Variants in TAFA5 observed in about 807,000 individuals in gnomAD.
TAFA5 encodes chemokine-like protein TAFA-5.
A neutral mutation model predicts 15.3 loss-of-function variants in TAFA5; 6 were observed. The ratio of observed to expected loss-of-function variants is 0.39; its 90% CI spans 0.21 to 0.77. The LOEUF is 0.77. Ranked by LOEUF, TAFA5 falls within the 30% of genes least tolerant of loss-of-function variation. The pLI, the probability that TAFA5 is intolerant of heterozygous loss-of-function variation, is 0.41. For missense variants in TAFA5, 161 were observed against 193.1 expected, an observed-to-expected ratio of 0.83 and a Z score of 0.98; for synonymous variants, 103 against 80.7, an observed-to-expected ratio of 1.28 and a Z score of -1.48.
chr22:48,655,249 A>G (rs1326297136), intron 2 of TAFA5, among the ~76,000 whole-genome samples: 1 of 152,234 alleles, frequency 6.6e-6, no homozygotes, highest in Non-Finnish European at 1.5e-5. Context: ...AGTGGACAGC[A>G]GCCCTCACTC....
At chr22:48,722,282 T>C (rs978846873) in intron 3 of TAFA5, among the ~76,000 whole-genome samples, 2 of 152,190 alleles carry the variant, frequency 1.3e-5, no homozygotes, top group Admixed American at 1.3e-4. Flanking sequence ...CCGTTCACGA[T>C]AGCAAAGACT....
chr22:48,621,273 A>G (rs573768814), intron 1 of TAFA5, among the ~76,000 whole-genome samples: 49 of 134,924 alleles, frequency 3.6e-4, no homozygotes, highest in Middle Eastern at 4.1e-3. Context: ...CTATCCACCC[A>G]CTCACCAGCC....
chr22:48,588,481 C>A (rs921272405), intron 1 of TAFA5, among the ~76,000 whole-genome samples: 11 of 152,172 alleles, frequency 7.2e-5, no homozygotes, highest in African/African-American at 2.4e-4. Context: ...AGGGGTCCTG[C>A]AGAGGGTCCC....
intron 1 of TAFA5, among the ~76,000 whole-genome samples, chr22:48,635,259 G>C (rs1387509329): frequency 6.6e-6 from 1 of 152,216 alleles, no homozygotes; most frequent in Non-Finnish European, 1.5e-5. Context: ...GGGCAGCACA[G>C]TGGGCAGGCG....
At chr22:48,706,781 T>C (rs1929091119) in intron 2 of TAFA5, among the ~76,000 whole-genome samples, 1 of 152,220 alleles carries the variant, frequency 6.6e-6, no homozygotes. Flanking sequence ...ACATATTTTT[T>C]CCCAGTTTGA....
intron 2 of TAFA5, among the ~76,000 whole-genome samples, chr22:48,679,280 T>C (rs111166642): frequency 0.13 from 1,335 of 10,226 alleles, 190 homozygotes; most frequent in Admixed American, 0.32. Context: ...CCATCCCTCT[T>C]CCGGCTCCCC....
chr22:48,630,260 G>A (rs556607848), intron 1 of TAFA5, among the ~76,000 whole-genome samples: 7 of 152,272 alleles, frequency 4.6e-5, no homozygotes, highest in Non-Finnish European at 7.4e-5. Flanking sequence ...AGGCGAGCTC[G>A]CTGAATGACG....
At chr22:48,662,234 G>A (rs2147215079) in intron 2 of TAFA5, among the ~76,000 whole-genome samples, 1 of 152,246 alleles carries the variant, frequency 6.6e-6, no homozygotes, top group East Asian at 1.9e-4. Context: ...ACAAGGCTTG[G>A]AGGTTGGCAT....
At chr22:48,677,455 T>A (rs1460882220) in intron 2 of TAFA5, among the ~76,000 whole-genome samples, 3 of 152,186 alleles carry the variant, frequency 2.0e-5, no homozygotes, top group Non-Finnish European at 4.4e-5. Flanking sequence ...GACCTTCCCG[T>A]GTTCTTGAGG....
At chr22:48,608,757 C>T (rs1401357266) in intron 1 of TAFA5, among the ~76,000 whole-genome samples, 1 of 152,164 alleles carries the variant, frequency 6.6e-6, no homozygotes, top group African/African-American at 2.4e-5. Flanking sequence ...GAGGGGCTCC[C>T]GAAGCCCGCT....
At chr22:48,669,027 A>T (rs1055088137) in intron 2 of TAFA5, among the ~76,000 whole-genome samples, 2 of 152,130 alleles carry the variant, frequency 1.3e-5, no homozygotes, top group Non-Finnish European at 2.9e-5. Flanking sequence ...GTGAGAGGGG[A>T]GCCCTCAGGA....
intron 1 of TAFA5, among the ~76,000 whole-genome samples, chr22:48,622,841 T>A (rs1216182402): frequency 1.3e-5 from 2 of 152,118 alleles, no homozygotes; most frequent in East Asian, 3.9e-4. Context: ...TGTTGACAGG[T>A]GTGAACAGGT....
In TAFA5 at chr22:48,607,705, A is replaced by G. The variant is rs1481770391; in HGVS notation, c.113-38892A>G. The stretch of plus-strand genomic sequence containing the variant: ...GGCCCACCCATCCCTGTTGCCTGGG[A>G]GATTCTGAGTCAAGTGCAAAATGGG... On this transcript the variant is annotated intron_variant, in intron 1 of 3. Coordinates refer to ENST00000402357, the MANE Select transcript of TAFA5 (RefSeq NM_001082967.3). 3.9e-5 allele frequency among the ~76,000 whole-genome samples: 6 copies of G among 152,210 alleles called. No homozygotes were observed. The East Asian group carries it at 1.2e-3, about 29-fold the overall frequency.
At chr22:48,587,939 G>C (rs957959572) in intron 1 of TAFA5, among the ~76,000 whole-genome samples, 2 of 152,214 alleles carry the variant, frequency 1.3e-5, no homozygotes, top group African/African-American at 4.8e-5. Context: ...TTCTGTCTCA[G>C]TCCCCGCACT....
intron 3 of TAFA5, among the ~76,000 whole-genome samples, chr22:48,718,930 G>A (rs916871832): frequency 1.3e-5 from 2 of 152,120 alleles, no homozygotes; most frequent in Non-Finnish European, 2.9e-5. Context: ...CACCATGGCT[G>A]AGGGCCCACC....
intron 2 of TAFA5, among the ~76,000 whole-genome samples, chr22:48,694,933 C>A (rs896620113): frequency 6.6e-6 from 1 of 150,402 alleles, no homozygotes. Context: ...CAAAGTGCTG[C>A]CTCCCATCGG....
chr22:48,567,463 AG>A (rs1394797344), intron 1 of TAFA5, among the ~76,000 whole-genome samples: 1 of 152,208 alleles, frequency 6.6e-6, no homozygotes, highest in Non-Finnish European at 1.5e-5. Context: ...TGCAGAGAAA[AG>A]ATAAGAATTT....
intron 3 of TAFA5, among the ~76,000 whole-genome samples, chr22:48,739,364 G>T (rs1569100886): frequency 6.6e-6 from 1 of 152,210 alleles, no homozygotes; most frequent in Admixed American, 6.5e-5. Flanking sequence ...CTGCGGTCTG[G>T]TTCTGTCAAA....
At chr22:48,707,688 G>A (rs565095068) in intron 2 of TAFA5, 29 bp from the exon 3 acceptor site, 6 of 1,611,984 alleles carry the variant, frequency 3.7e-6, no homozygotes, top group South Asian at 2.2e-5. Flanking sequence ...AGAGTAGCAC[G>A]CTGATTGCCT....
Sources: gnomAD v4.1 joint callset for allele counts (sites outside exome capture counted in the v4.1 genomes callset) on GRCh38, gnomAD v4.1.1 for gene constraint, MANE v1.5 for transcripts, NCBI Gene and HGNC (gene_info 2026-07-23, HGNC 2026-07-21) for gene names.